The following TRPV1 variants were observed in gnomAD, a reference collection of about 807,000 sequenced individuals.
The protein encoded by TRPV1 is OTRPC1.
Under a neutral mutation model 82.3 loss-of-function variants are expected in TRPV1, and 82 were observed. The observed-to-expected ratio is 1.00, with a 90% confidence interval of 0.83 to 1.20. TRPV1 has a LOEUF of 1.20. Among genes scored for constraint, TRPV1 ranks in the 50% most tolerant of loss-of-function variants. The pLI is 0.00. For missense variants in TRPV1, 1,067 were observed against 1,096.8 expected, an observed-to-expected ratio of 0.97 and a Z score of 0.38; for synonymous variants, 515 against 467.7, an observed-to-expected ratio of 1.10 and a Z score of -1.30.
intron 10 of TRPV1, among the ~76,000 whole-genome samples, chr17:3,581,700 C>G (rs189685685): frequency 1.4e-4 from 20 of 147,006 alleles, no homozygotes; most frequent in East Asian, 8.8e-4. Flanking sequence ...TCCTGGTTAA[C>G]ATGGTGAAAC....
At chr17:3,574,027 C>G in intron 13 of TRPV1, 72 bp from the exon 14 acceptor site, 2 of 1,279,386 alleles carry the variant, frequency 1.6e-6, no homozygotes, top group Non-Finnish European at 1.1e-6. Context: ...CATACACCCT[C>G]CTGCTCAGTC....
intron 9 of TRPV1, among the ~76,000 whole-genome samples, chr17:3,584,391 A>C (rs1158435802): frequency 7.4e-6 from 1 of 134,344 alleles, no homozygotes; most frequent in Non-Finnish European, 1.6e-5. Context: ...AAACAGAGAG[A>C]GACTCTGTCT....
At chr17:3,574,663 T>C (rs1597515763) in intron 13 of TRPV1, among the ~76,000 whole-genome samples, 1 of 152,126 alleles carries the variant, frequency 6.6e-6, no homozygotes, top group Non-Finnish European at 1.5e-5. Context: ...AAAAATGATG[T>C]GGAGGCCGGG....
chr17:3,576,668 A>T (rs559554373), intron 13 of TRPV1, among the ~76,000 whole-genome samples: 2,794 of 38,410 alleles, frequency 0.073, 119 homozygotes, highest in Non-Finnish European at 0.098. Flanking sequence ...AAAAAAAAAA[A>T]ATATATATAT....
At chr17:3,576,412 G>A (rs2074928699) in intron 13 of TRPV1, among the ~76,000 whole-genome samples, 1 of 151,876 alleles carries the variant, frequency 6.6e-6, no homozygotes, top group Non-Finnish European at 1.5e-5. Flanking sequence ...CAGCACTTTG[G>A]GAGGCCGAGG....
In TRPV1 at chr17:3,566,625, T is replaced by C. The variant is rs530076629; in HGVS notation, c.*190A>G. The C allele has an allele frequency of 3.4e-6, 2 of 590,772 alleles. No individual in the cohort carries two copies. The highest frequency in any genetic ancestry group is 5.8e-5 in the East Asian group (2 of 34,492). The allele number at this position is 590,772 out of a possible 1,614,324, so 36.6% of individuals were successfully genotyped here. A position where few individuals can be genotyped will look rare whatever the true frequency, so the allele number is the denominator to read the frequency against. On this transcript the variant is annotated 3_prime_UTR_variant, in exon 17 of 17. Coordinates refer to ENST00000572705, the MANE Select transcript of TRPV1 (RefSeq NM_080704.4). ...GAGATTCACTTGGGGACAGTGACGG[T>C]TGGATGTACATCACTCCCCATGCTT...
chr17:3,590,026 C>T lies in TRPV1; in HGVS notation c.825G>A (p.Thr275=), dbSNP rs200702179. The part of the protein sequence containing the change: ...VKFLLQNSWQ[T]ADISARDSVG... Reference sequence around the variant, plus strand: ...CCGAGTCCCTGGCGCTGATGTCGGCCGTCTGCCAGGAGTTCTGCAGCAGGA... The same window carrying T: ...CCGAGTCCCTGGCGCTGATGTCGGCTGTCTGCCAGGAGTTCTGCAGCAGGA... Residue 275 remains threonine, a synonymous_variant, in exon 7 of 17, where the codon ACG becomes ACA. Transcript: ENST00000572705. 1.9e-6 allele frequency: 3 copies of T among 1,572,662 alleles called. No homozygotes were observed. Among genetic ancestry groups the T allele is most frequent in the Non-Finnish European group, 1.7e-6 (2 of 1,159,870 alleles).
chr17:3,574,479 CT>C (rs2074903061), intron 13 of TRPV1, among the ~76,000 whole-genome samples: 1 of 152,184 alleles, frequency 6.6e-6, no homozygotes, highest in Non-Finnish European at 1.5e-5. Flanking sequence ...AATGCAGGGC[CT>C]TCAGATCCAG....
intron 2 of TRPV1, among the ~76,000 whole-genome samples, chr17:3,604,100 G>A (rs2075281994): frequency 6.6e-6 from 1 of 152,264 alleles, no homozygotes; most frequent in Non-Finnish European, 1.5e-5. Context: ...CCCTGCAGTT[G>A]TAATCAGATG....
At chr17:3,586,308 C>A (rs958470735) in intron 8 of TRPV1, among the ~76,000 whole-genome samples, 1 of 152,220 alleles carries the variant, frequency 6.6e-6, no homozygotes, top group Non-Finnish European at 1.5e-5. Context: ...TCAGGGCAGG[C>A]AGGAAAGAGC....
chr17:3,584,402 C>CAAGAAAAAAAAAAAAAAAAA (rs2075057678), intron 9 of TRPV1, among the ~76,000 whole-genome samples: 3 of 16,746 alleles, frequency 1.8e-4, no homozygotes, highest in African/African-American at 4.6e-4. Flanking sequence ...GACTCTGTCT[C>CAAGAAAAAAAAAAAAAAAAA]AAAAAAAAAA....
At chr17:3,584,951 G>A (rs1597533364) in intron 9 of TRPV1, among the ~76,000 whole-genome samples, 1 of 152,218 alleles carries the variant, frequency 6.6e-6, no homozygotes, top group Non-Finnish European at 1.5e-5. Context: ...GTCTTAGGCT[G>A]ATTTGATGGA....
chr17:3,592,531 G>A, intron 2 of TRPV1, 148 bp from the exon 3 acceptor site: 1 of 801,330 alleles, frequency 1.2e-6, no homozygotes, highest in Non-Finnish European at 1.9e-6. Flanking sequence ...GAACTGAAGT[G>A]TTTCCAGGAC....
chr17:3,591,426 G>C, intron 3 of TRPV1, 73 bp from the exon 4 acceptor site: 1 of 1,497,098 alleles, frequency 6.7e-7, no homozygotes, highest in Admixed American at 2.3e-5. Context: ...AGCTTGTCAA[G>C]GGAACACGAC....
Position 3,571,544 on chromosome 17 carries a change from A to C in TRPV1, c.2327T>G (p.Phe776Cys). ...CTCACCTCTGCTTGACCGCAGGGAG[A>C]AGCTCAGGGTGCGCTTGACGCCCTC... is the stretch of plus-strand genomic sequence containing the variant. ...NCEGVKRTLS[F>C]SLRSSRVSGR... The change falls in exon 16 of 17, where the codon TTC (phenylalanine) becomes TGC (cysteine). Residue 776 changes from phenylalanine to cysteine, a missense_variant. Coordinates refer to ENST00000572705, the MANE Select transcript of TRPV1 (RefSeq NM_080704.4). 6.2e-7 allele frequency: 1 copy of C among 1,608,158 alleles called. No homozygotes were observed. The highest frequency in any genetic ancestry group is 8.5e-7 in the Non-Finnish European group (1 of 1,177,456).
intron 9 of TRPV1, 79 bp downstream of exon 9, chr17:3,585,689 G>T: frequency 6.6e-7 from 1 of 1,510,032 alleles, no homozygotes; most frequent in Non-Finnish European, 8.9e-7. Flanking sequence ...GCCTGGGGTC[G>T]GGGAGGTCTC....
intron 10 of TRPV1, among the ~76,000 whole-genome samples, chr17:3,581,745 C>CATG: frequency 1.4e-5 from 2 of 145,048 alleles, no homozygotes; most frequent in East Asian, 2.5e-4. Flanking sequence ...ATTAGCCGGG[C>CATG]GCGGTGGCAC....
At chr17:3,590,205 C>A (rs759519209) in intron 6 of TRPV1, 47 bp downstream of exon 6, 1 of 1,604,612 alleles carries the variant, frequency 6.2e-7, no homozygotes, top group South Asian at 1.1e-5. Context: ...CAAACCTCCC[C>A]TTAGCAAAAG....
At chr17:3,594,127 C>CAAAAAAA (rs57620622) in intron 2 of TRPV1, among the ~76,000 whole-genome samples, 20 of 46,488 alleles carry the variant, frequency 4.3e-4, no homozygotes, top group African/African-American at 2.2e-3. Context: ...AACTCTGTCT[C>CAAAAAAA]AAAAAAAAAA....
Sources: gnomAD v4.1 joint callset for allele counts (sites outside exome capture counted in the v4.1 genomes callset) on GRCh38, gnomAD v4.1.1 for gene constraint, MANE v1.5 for transcripts, NCBI Gene and HGNC (gene_info 2026-07-23, HGNC 2026-07-21) for gene names.